ENPP3: variants seen among roughly 807,000 people sequenced by gnomAD.
The protein encoded by ENPP3 is ectonucleotide pyrophosphatase/phosphodiesterase 3.
Under a neutral mutation model 117.8 loss-of-function variants are expected in ENPP3, and 104 were observed. The observed-to-expected ratio is 0.88, with a 90% CI of 0.75 to 1.04. The LOEUF (loss-of-function observed/expected upper bound fraction) is 1.04, where lower values mean the gene tolerates loss of function less well. ENPP3 is among the 50% of genes least tolerant of loss of function. The pLI is 0.00. For synonymous variants in ENPP3, 380 were observed against 349.9 expected, an observed-to-expected ratio of 1.09 and a Z score of -0.96; for missense variants, 1,026 against 1,051.9, an observed-to-expected ratio of 0.98 and a Z score of 0.34.
intron 5 of ENPP3, among the ~76,000 whole-genome samples, chr6:131,657,594 C>T (rs1232198037): frequency 6.6e-6 from 1 of 152,024 alleles, no homozygotes; most frequent in Admixed American, 6.6e-5. Context: ...AACATAATGT[C>T]GAGTAAAAGA....
rs574468333 is a variant in ENPP3, at chr6:131,706,798, T to G, written c.1413-11874T>G. Among the ~76,000 whole-genome samples, 28 of 152,206 alleles carry G rather than the reference T, an allele frequency of 1.8e-4. No individual in the cohort carries two copies. In the East Asian group the frequency reaches 4.6e-3, roughly 25 times the overall value. Reference sequence around the variant, plus strand: ...TCTGGAAACAATCCCCCGCTGGACATGGGTAAATTTTGAAAAATATACTAT... The same window carrying G: ...TCTGGAAACAATCCCCCGCTGGACAGGGGTAAATTTTGAAAAATATACTAT... On this transcript the variant is annotated intron_variant, in intron 15 of 24. Coordinates refer to ENST00000357639, the MANE Select transcript of ENPP3 (RefSeq NM_005021.5).
chr6:131,691,292 T>TA (rs1779271820), intron 14 of ENPP3, among the ~76,000 whole-genome samples: 1 of 151,990 alleles, frequency 6.6e-6, no homozygotes, highest in South Asian at 2.1e-4. Flanking sequence ...TATTCTGAGA[T>TA]AAAATGTCAA....
chr6:131,745,364 A>G (rs983736764), intron 24 of ENPP3, among the ~76,000 whole-genome samples: 1 of 152,146 alleles, frequency 6.6e-6, no homozygotes, highest in Non-Finnish European at 1.5e-5. Context: ...TCTGGCTCAG[A>G]TAGTGGCTAT....
At chr6:131,653,943 ATG>A in intron 5 of ENPP3, among the ~76,000 whole-genome samples, 1 of 152,084 alleles carries the variant, frequency 6.6e-6, no homozygotes, top group Admixed American at 6.5e-5. Context: ...GGGCCTGGAA[ATG>A]TGCATCACTT....
chr6:131,646,057 A>G (rs571065431), intron 2 of ENPP3, among the ~76,000 whole-genome samples: 20 of 152,300 alleles, frequency 1.3e-4, no homozygotes, highest in African/African-American at 4.6e-4. Context: ...TTCCTTGGTC[A>G]TGTAAGACAA....
intron 24 of ENPP3, 95 bp from the exon 25 acceptor site, chr6:131,746,690 CA>C: frequency 9.2e-7 from 1 of 1,083,230 alleles, no homozygotes; most frequent in Non-Finnish European, 1.3e-6. Flanking sequence ...AGGTAAAAAT[CA>C]TCGGCAAAAA....
chr6:131,683,011 A>G, intron 11 of ENPP3, 43 bp from the exon 12 acceptor site: 1 of 1,195,794 alleles, frequency 8.4e-7, no homozygotes. Context: ...TGGCTAATTA[A>G]GACAACTCAT....
Position 131,650,104 on chromosome 6 carries a change from C to A in ENPP3, c.232C>A (p.Arg78=), listed in dbSNP as rs144467409. 47 of 1,613,862 alleles carry A rather than the reference C, an allele frequency of 2.9e-5. No homozygotes were observed. In the African/African-American group the frequency reaches 5.3e-4, roughly 18 times the overall value. ...NCRCDVACKD[R]GDCCWDFEDT... ...CCGGTGTGATGTGGCATGTAAAGAC[C>A]GAGGTGATTGCTGCTGGGATTTTGA... is the stretch of plus-strand genomic sequence containing the variant. The change falls in exon 3 of 25, where the codon CGA becomes AGA. Residue 78 remains arginine, a synonymous_variant. Transcript: ENST00000357639.
Position 131,675,121 on chromosome 6 carries a change from C to T in ENPP3, c.804C>T (p.Thr268=), listed in dbSNP as rs758139939. Residue 268 remains threonine (T), a synonymous_variant, in exon 9 of 25, where the codon ACC becomes ACT. Coordinates refer to ENST00000357639, the MANE Select transcript of ENPP3 (RefSeq NM_005021.5). Reference sequence around the variant, plus strand: ...TGTATCAAGGTTTAAAAGCCGCTACCTACTTTTGGCCCGGATCAGAAGTGG... The same window carrying T: ...TGTATCAAGGTTTAAAAGCCGCTACTTACTTTTGGCCCGGATCAGAAGTGG... ...TAMYQGLKAA[T]YFWPGSEVAI... is the part of the protein sequence containing the mutation. 2.5e-6 allele frequency: 4 copies of T among 1,613,884 alleles called. No homozygotes were observed. The highest frequency in any genetic ancestry group is 2.2e-5 in the East Asian group (1 of 44,848).
intron 5 of ENPP3, among the ~76,000 whole-genome samples, chr6:131,653,192 C>T (rs1247139488): frequency 6.6e-6 from 1 of 152,160 alleles, no homozygotes; most frequent in East Asian, 1.9e-4. Flanking sequence ...CGCGGTGGTG[C>T]AATCACAGCT....
chr6:131,715,967 AGT>A (rs1779879899), intron 15 of ENPP3, among the ~76,000 whole-genome samples: 1 of 152,198 alleles, frequency 6.6e-6, no homozygotes. Context: ...CATGTGAGCA[AGT>A]GCTTTAAATG....
At chr6:131,654,902 G>A (rs1370963553) in intron 5 of ENPP3, among the ~76,000 whole-genome samples, 2 of 152,178 alleles carry the variant, frequency 1.3e-5, no homozygotes, top group Non-Finnish European at 2.9e-5. Context: ...AATGAGAGGA[G>A]TTTGAGTCCT....
chr6:131,692,186 C>T lies in ENPP3; in HGVS notation c.1285-1311C>T, dbSNP rs764406854. Among the ~76,000 whole-genome samples, 15 of 152,078 alleles carry T rather than the reference C, an allele frequency of 9.9e-5. 1 individual carries two copies. The highest frequency in any genetic ancestry group is 3.9e-4 in the East Asian group (2 of 5,182). On this transcript the variant is annotated intron_variant, in intron 14 of 24. Coordinates refer to ENST00000357639, the MANE Select transcript of ENPP3 (RefSeq NM_005021.5). ...GAAAATGAGGAAATAGGAAAAATTT[C>T]GTTTCCTTTGTTTATGGTTTTTCTT...
chr6:131,665,776 G>C (rs1332745288), intron 6 of ENPP3, among the ~76,000 whole-genome samples: 1 of 151,736 alleles, frequency 6.6e-6, no homozygotes, highest in Non-Finnish European at 1.5e-5. Context: ...GATTTAGTTT[G>C]TTCCTTTTTC....
intron 14 of ENPP3, among the ~76,000 whole-genome samples, chr6:131,691,367 T>C (rs904442006): frequency 1.6e-4 from 25 of 152,154 alleles, no homozygotes; most frequent in African/African-American, 5.8e-4. Context: ...GGCGGGCGGA[T>C]CACTTGAGGT....
rs527601184 is a variant in ENPP3, at chr6:131,692,800, TATATATG to T, written c.1285-678_1285-672del. Among the ~76,000 whole-genome samples the T allele has an allele frequency of 5.4e-3, 778 of 143,828 alleles. 8 individuals carry two copies. The highest frequency in any genetic ancestry group is 0.016 in the African/African-American group (629 of 38,674). The allele number at this position is 143,828 out of a possible 152,430, so 94.4% of individuals were successfully genotyped here. A position where few individuals can be genotyped will look rare whatever the true frequency, so the allele number is the denominator to read the frequency against. Reference sequence around the variant, plus strand: ...GGTTATATATGATATAATATGTAGTTATATATGATATATGATATATGATATGATATGT... The same window carrying T: ...GGTTATATATGATATAATATGTAGTTATATATGATATATGATATGATATGT... On this transcript the variant is annotated intron_variant, in intron 14 of 24. Transcript: ENST00000357639.
chr6:131,674,582 CT>C (rs111529330), intron 8 of ENPP3, among the ~76,000 whole-genome samples: 2 of 137,658 alleles, frequency 1.5e-5, no homozygotes. Context: ...TTTTTTTTTT[CT>C]TTTTTTTTGA....
At chr6:131,683,196 T>A in intron 12 of ENPP3, 34 bp downstream of exon 12, 1 of 1,124,756 alleles carries the variant, frequency 8.9e-7, no homozygotes, top group Non-Finnish European at 1.3e-6. Flanking sequence ...ATTTTATCAT[T>A]GACTATAATT....
At chr6:131,739,826 G>A (rs911605853) in intron 23 of ENPP3, among the ~76,000 whole-genome samples, 21 of 151,204 alleles carry the variant, frequency 1.4e-4, no homozygotes, top group South Asian at 6.3e-4. Context: ...ATGCCAACAC[G>A]TTGAGAGGCC....
Sources: gnomAD v4.1 joint callset for allele counts (sites outside exome capture counted in the v4.1 genomes callset) on GRCh38, gnomAD v4.1.1 for gene constraint, MANE v1.5 for transcripts, NCBI Gene and HGNC (gene_info 2026-07-23, HGNC 2026-07-21) for gene names.